The following NRG3 variants were observed in gnomAD, a reference collection of about 807,000 sequenced individuals.
NRG3 encodes neuregulin 3.
Under a neutral mutation model 66.9 loss-of-function variants are expected in NRG3, and 31 were observed. The ratio of observed to expected loss-of-function variants is 0.46; its 90% CI spans 0.35 to 0.63. The LOEUF (loss-of-function observed/expected upper bound fraction) is 0.63, where lower values mean the gene tolerates loss of function less well. NRG3 is among the 20% of genes least tolerant of loss of function. The pLI is 0.00. For synonymous variants in NRG3, 393 were observed against 359.4 expected, an observed-to-expected ratio of 1.09 and a Z score of -1.06; for missense variants, 910 against 878.9, an observed-to-expected ratio of 1.04 and a Z score of -0.45.
intron 1 of NRG3, among the ~76,000 whole-genome samples, chr10:81,888,997 G>C (rs1352902957): frequency 6.6e-6 from 1 of 152,140 alleles, no homozygotes; most frequent in Non-Finnish European, 1.5e-5. Context: ...TCAAAGCGCT[G>C]CAAGAAGCAA....
chr10:82,188,971 A>G (rs938798410), intron 1 of NRG3, among the ~76,000 whole-genome samples: 22 of 152,190 alleles, frequency 1.4e-4, no homozygotes, highest in African/African-American at 5.3e-4. Context: ...ATTAAAGAAC[A>G]TGGAGAAGGG....
At chr10:82,122,264 G>A (rs1030345018) in intron 1 of NRG3, among the ~76,000 whole-genome samples, 1 of 152,118 alleles carries the variant, frequency 6.6e-6, no homozygotes, top group Non-Finnish European at 1.5e-5. Flanking sequence ...CATGGGTAGG[G>A]CACTGATCTT....
intron 2 of NRG3, among the ~76,000 whole-genome samples, chr10:82,571,101 A>G (rs2045705979): frequency 6.6e-6 from 1 of 151,570 alleles, no homozygotes; most frequent in Admixed American, 6.6e-5. Context: ...TAGAAAATCT[A>G]TTAATATTTT....
At chr10:82,421,152 A>T (rs1433378658) in intron 2 of NRG3, among the ~76,000 whole-genome samples, 2 of 152,138 alleles carry the variant, frequency 1.3e-5, no homozygotes, top group African/African-American at 4.8e-5. Context: ...GATATCTATG[A>T]GTGAACCTTC....
At chr10:82,916,648 A>G (rs939316590) in intron 4 of NRG3, among the ~76,000 whole-genome samples, 4 of 150,790 alleles carry the variant, frequency 2.7e-5, no homozygotes, top group African/African-American at 7.3e-5. Flanking sequence ...TTTTTTTGAG[A>G]CAGAGCCTTG....
At chr10:82,380,430 T>C (rs1473231143) in intron 2 of NRG3, among the ~76,000 whole-genome samples, 1 of 152,112 alleles carries the variant, frequency 6.6e-6, no homozygotes, top group Non-Finnish European at 1.5e-5. Flanking sequence ...TAAAGCATCA[T>C]TGTGAAAGAT....
intron 2 of NRG3, among the ~76,000 whole-genome samples, chr10:82,410,229 C>T (rs759523192): frequency 1.3e-5 from 2 of 151,942 alleles, no homozygotes; most frequent in Non-Finnish European, 2.9e-5. Context: ...TGGTGGCTCA[C>T]GCCTGTAATT....
chr10:82,009,580 T>C (rs955604928), intron 1 of NRG3, among the ~76,000 whole-genome samples: 12 of 152,188 alleles, frequency 7.9e-5, no homozygotes, highest in African/African-American at 2.7e-4. Context: ...TTAAAGATAT[T>C]TCCTTTTACA....
chr10:82,051,225 C>G (rs2133132062), intron 1 of NRG3, among the ~76,000 whole-genome samples: 1 of 152,268 alleles, frequency 6.6e-6, no homozygotes, highest in East Asian at 1.9e-4. Context: ...AGAGGCCACT[C>G]AATCAGAAAA....
chr10:82,736,494 G>A (rs1012033319), intron 2 of NRG3, among the ~76,000 whole-genome samples: 5 of 152,234 alleles, frequency 3.3e-5, no homozygotes, highest in Non-Finnish European at 7.3e-5. Flanking sequence ...CAGCCACACA[G>A]CCCCTGGGGG....
At chr10:82,550,096 G>C (rs1021565083) in intron 2 of NRG3, among the ~76,000 whole-genome samples, 1 of 152,182 alleles carries the variant, frequency 6.6e-6, no homozygotes, top group Non-Finnish European at 1.5e-5. Flanking sequence ...CGAGTAGACT[G>C]TGAGTTTCCT....
intron 2 of NRG3, among the ~76,000 whole-genome samples, chr10:82,490,439 C>G (rs1387163901): frequency 6.6e-6 from 1 of 152,138 alleles, no homozygotes; most frequent in Non-Finnish European, 1.5e-5. Context: ...GTCATATATA[C>G]TCAGTCTTTC....
intron 2 of NRG3, among the ~76,000 whole-genome samples, chr10:82,396,702 G>A (rs1309807399): frequency 6.6e-6 from 1 of 152,130 alleles, no homozygotes; most frequent in Non-Finnish European, 1.5e-5. Flanking sequence ...TAAGGTAATG[G>A]AGTAACTTAA....
intron 4 of NRG3, among the ~76,000 whole-genome samples, chr10:82,884,673 C>G (rs1668688175): frequency 6.6e-6 from 1 of 152,168 alleles, no homozygotes; most frequent in African/African-American, 2.4e-5. Context: ...TTTTCTACTT[C>G]TAACTGATCA....
chr10:82,291,174 G>GCACGCAC (rs929734724), intron 1 of NRG3, among the ~76,000 whole-genome samples: 93 of 148,008 alleles, frequency 6.3e-4, no homozygotes, highest in African/African-American at 2.1e-3. Flanking sequence ...ACACACACAC[G>GCACGCAC]CACGCACCAG....
At chr10:81,932,828 G>A (rs1221064550) in intron 1 of NRG3, among the ~76,000 whole-genome samples, 2 of 151,994 alleles carry the variant, frequency 1.3e-5, no homozygotes, top group African/African-American at 4.8e-5. Context: ...GTTCTTTCTG[G>A]TCAGGCACGG....
chr10:82,288,425 T>C (rs2079541419), intron 1 of NRG3, among the ~76,000 whole-genome samples: 1 of 152,144 alleles, frequency 6.6e-6, no homozygotes, highest in African/African-American at 2.4e-5. Context: ...ACATTGTTTT[T>C]CCTGGGCTGT....
chr10:82,033,965 A>G (rs2132919075), intron 1 of NRG3, among the ~76,000 whole-genome samples: 1 of 152,248 alleles, frequency 6.6e-6, no homozygotes, highest in South Asian at 2.1e-4. Context: ...GCAAAAGTGG[A>G]AAGTTTTGCA....
intron 1 of NRG3, among the ~76,000 whole-genome samples, chr10:82,180,090 T>C (rs1266902100): frequency 6.6e-6 from 1 of 151,958 alleles, no homozygotes. Flanking sequence ...TGATTTTATA[T>C]ACTACAACTT....
Sources: gnomAD v4.1 joint callset for allele counts (sites outside exome capture counted in the v4.1 genomes callset) on GRCh38, gnomAD v4.1.1 for gene constraint, MANE v1.5 for transcripts, NCBI Gene and HGNC (gene_info 2026-07-23, HGNC 2026-07-21) for gene names.